Variants in GOLGA8A observed in about 807,000 individuals in gnomAD.
GOLGA8A encodes the protein golgin subfamily A member 8A.
In GOLGA8A, 3 loss-of-function variants were observed where a neutral mutation model predicts 22.1. That is an observed-to-expected ratio of 0.14 (90% CI 0.06 to 0.35). GOLGA8A has a LOEUF of 0.35. GOLGA8A is among the 10% of genes least tolerant of loss of function. GOLGA8A has a pLI of 1.00. For missense variants in GOLGA8A, 16 were observed against 233.2 expected (o/e 0.07, Z 6.07); for synonymous variants, 7 against 91.7 (o/e 0.08, Z 5.28).
chr15:34,404,554 C>T (rs1340609044), intron 5 of GOLGA8A, among the ~76,000 whole-genome samples: 1 of 147,280 alleles, frequency 6.8e-6, no homozygotes, highest in African/African-American at 2.5e-5. Context: ...AGGAGGATCG[C>T]GTGAACTCAG....
rs532911928 is a variant in GOLGA8A, at chr15:34,430,261, C to G, written c.-1123+5122G>C. ...TCAAAGCTTCCAACCCAACACAGCA[C>G]AAAGACGTCTTCCCCAACAACCGCA... On this transcript the variant is annotated intron_variant, in intron 2 of 24. Transcript: ENST00000359187. 1.9e-4 allele frequency among the ~76,000 whole-genome samples: 29 copies of G among 149,414 alleles called. 3 individuals carry two copies. The highest frequency in any genetic ancestry group is 7.2e-4 in the African/African-American group (29 of 40,552).
intron 2 of GOLGA8A, among the ~76,000 whole-genome samples, chr15:34,433,173 C>CG (rs1893332582): frequency 6.7e-6 from 1 of 148,470 alleles, no homozygotes; most frequent in Admixed American, 6.9e-5. Context: ...CCAGGACACA[C>CG]GCAGGAGAGA....
chr15:34,432,190 C>T (rs1259185969), intron 2 of GOLGA8A, among the ~76,000 whole-genome samples: 1 of 149,376 alleles, frequency 6.7e-6, no homozygotes, highest in East Asian at 2.0e-4. Flanking sequence ...AGCTCCCAGA[C>T]CCTTTTCCCA....
intron 2 of GOLGA8A, among the ~76,000 whole-genome samples, chr15:34,409,038 GCTCCCACCTCTCTCTCCC>G (rs1342549040): frequency 4.3e-5 from 5 of 116,414 alleles, no homozygotes; most frequent in East Asian, 2.7e-4. Flanking sequence ...GGCCCCCTCT[GCTCCCACCTCTCTCTCCC>G]CTCCCACCTC....
Position 34,381,306 on chromosome 15 carries a change from A to G in GOLGA8A, c.*105T>C, listed in dbSNP as rs1450415199. On this transcript the variant is annotated 3_prime_UTR_variant, in exon 25 of 25. Coordinates refer to ENST00000359187, the MANE Select transcript of GOLGA8A (RefSeq NM_181077.5). Reference sequence around the variant, plus strand: ...ATTAGAAACACAAATAATCATGAGTAGCTCTAACATTCAAATGAAGTAAAT... The same window carrying G: ...ATTAGAAACACAAATAATCATGAGTGGCTCTAACATTCAAATGAAGTAAAT... The G allele has an allele frequency of 9.6e-7, 1 of 1,043,204 alleles. No homozygotes were observed. Among genetic ancestry groups the G allele is most frequent in the African/African-American group, 1.5e-5 (1 of 66,274 alleles). 64.6% of individuals were successfully genotyped at this position (1,043,204 alleles called of 1,614,324 possible).
intron 2 of GOLGA8A, among the ~76,000 whole-genome samples, chr15:34,431,811 T>A (rs1292385020): frequency 3.4e-5 from 5 of 148,546 alleles, no homozygotes; most frequent in Non-Finnish European, 6.0e-5. Context: ...TATATTTTTT[T>A]AAAATAAAGT....
In GOLGA8A at chr15:34,433,671, C is replaced by T. The variant is rs1220268860; in HGVS notation, c.-1123+1712G>A. Among the ~76,000 whole-genome samples the T allele has an allele frequency of 2.7e-5, 4 of 149,336 alleles. 1 individual carries two copies. The highest frequency in any genetic ancestry group is 6.0e-5 in the Non-Finnish European group (4 of 67,216). ...CAGGACATGTGCTGCAAGGAGACTA[C>T]TGCTCCCGTGTTTCATTCACTCACT... On this transcript the variant is annotated intron_variant, in intron 2 of 24. Coordinates refer to ENST00000359187, the MANE Select transcript of GOLGA8A (RefSeq NM_181077.5).
rs190912077 is a variant in GOLGA8A at position 34,380,960 on chromosome 15, C to A, written c.*451G>T. On this transcript the variant is annotated 3_prime_UTR_variant, in exon 25 of 25. Transcript: ENST00000359187. Reference sequence around the variant, plus strand: ...AACCGCATATTGAGCTATAGAAGAGCTCACTGTGATTAAGATGAGATCAAA... The same window carrying A: ...AACCGCATATTGAGCTATAGAAGAGATCACTGTGATTAAGATGAGATCAAA... 1.0e-3 allele frequency: 332 copies of A among 321,310 alleles called. 1 individual carries two copies. The highest frequency in any genetic ancestry group is 6.9e-3 in the African/African-American group (314 of 45,698). 19.9% of individuals were successfully genotyped at this position (321,310 alleles called of 1,614,324 possible).
At chr15:34,403,170 C>T (rs1188377269) in intron 5 of GOLGA8A, among the ~76,000 whole-genome samples, 1 of 53,100 alleles carries the variant, frequency 1.9e-5, no homozygotes, top group Non-Finnish European at 3.4e-5. Flanking sequence ...TTCCAAACCC[C>T]AGCAATTTTT....
At chr15:34,421,878 T>C in intron 2 of GOLGA8A, among the ~76,000 whole-genome samples, 1 of 137,732 alleles carries the variant, frequency 7.3e-6, no homozygotes, top group Non-Finnish European at 1.6e-5. Context: ...GAAAGTCAGG[T>C]GTCCCTGAGA....
intron 2 of GOLGA8A, chr15:34,420,343 G>T (rs1428521587): frequency 2.1e-5 from 3 of 146,170 alleles, no homozygotes; most frequent in Non-Finnish European, 3.0e-5. Context: ...TGGAGGACAA[G>T]GCAGCAGGCA....
chr15:34,417,841 A>T (rs569558646), intron 2 of GOLGA8A: 1 of 145,482 alleles, frequency 6.9e-6, no homozygotes, highest in Non-Finnish European at 1.5e-5. Context: ...CCCCCATGGG[A>T]TGTTTGGAAA....
chr15:34,436,994 C>T (rs1224405575), intron 1 of GOLGA8A, among the ~76,000 whole-genome samples: 1 of 149,356 alleles, frequency 6.7e-6, no homozygotes, highest in East Asian at 2.0e-4. Context: ...GGACTTGATG[C>T]CGGCGCCAAG....
intron 4 of GOLGA8A, among the ~76,000 whole-genome samples, chr15:34,405,457 C>A (rs1219973229): frequency 6.8e-6 from 1 of 147,164 alleles, no homozygotes; most frequent in African/African-American, 2.5e-5. Flanking sequence ...GCCTCAGTCT[C>A]CTGAGTAGCT....
At chr15:34,421,669 A>AAAGCCACTTACCCT in intron 2 of GOLGA8A, among the ~76,000 whole-genome samples, 1 of 143,650 alleles carries the variant, frequency 7.0e-6, no homozygotes, top group Non-Finnish European at 1.5e-5. Flanking sequence ...ACTGAGATGA[A>AAAGCCACTTACCCT]AAGCCACTTA....
In GOLGA8A at chr15:34,400,741, T is replaced by C. The variant is rs77992273; in HGVS notation, c.-556A>G. The C allele has an allele frequency of 0.14, 18,937 of 139,834 alleles. 331 individuals carry two copies. The highest frequency in any genetic ancestry group is 0.21 in the Admixed American group (2,845 of 13,562). 8.7% of individuals were successfully genotyped at this position (139,834 alleles called of 1,614,324 possible). On this transcript the variant is annotated 5_prime_UTR_variant, in exon 6 of 25. Coordinates refer to ENST00000359187, the MANE Select transcript of GOLGA8A (RefSeq NM_181077.5). Reference sequence around the variant, plus strand: ...TTCATACTTCAGGAAGACAACCCAGTTGACAACGACAACAGTTTCTATGAT... The same window carrying C: ...TTCATACTTCAGGAAGACAACCCAGCTGACAACGACAACAGTTTCTATGAT...
intron 2 of GOLGA8A, among the ~76,000 whole-genome samples, chr15:34,423,082 A>C (rs1460506192): frequency 1.5e-5 from 2 of 129,156 alleles, no homozygotes; most frequent in African/African-American, 5.5e-5. Context: ...ACAAACTAAC[A>C]AACACCCAGG....
intron 2 of GOLGA8A, among the ~76,000 whole-genome samples, chr15:34,431,983 A>G (rs1175720184): frequency 6.7e-6 from 1 of 148,902 alleles, no homozygotes; most frequent in Non-Finnish European, 1.5e-5. Flanking sequence ...CTAAATGTCA[A>G]TAGTGTTCTC....
chr15:34,431,252 T>A (rs182986202), intron 2 of GOLGA8A, among the ~76,000 whole-genome samples: 13,069 of 116,582 alleles, frequency 0.11, 1,422 homozygotes, highest in Non-Finnish European at 0.17. Flanking sequence ...TGCTGGAGAA[T>A]CAATTCCAGG....
Sources: allele counts gnomAD v4.1 joint callset (sites outside exome capture counted in the v4.1 genomes callset), GRCh38; gene constraint gnomAD v4.1.1; transcripts MANE v1.5; gene names NCBI Gene and HGNC (gene_info 2026-07-23, HGNC 2026-07-21).